Variants in CAPN14 observed in about 807,000 individuals in gnomAD.
CAPN14 encodes the protein calpain-14.
A neutral mutation model predicts 101.3 loss-of-function variants in CAPN14; 94 were observed. The observed-to-expected ratio is 0.93, with a 90% confidence interval of 0.79 to 1.10. CAPN14 has a LOEUF of 1.10. Among genes scored for constraint, CAPN14 ranks in the 50% least tolerant of loss-of-function variants. The probability of loss-of-function intolerance (pLI) is 0.00; values close to 1 mark genes in which losing one functional copy is unlikely to be tolerated. For missense variants in CAPN14, 837 were observed against 828.4 expected, an observed-to-expected ratio of 1.01 and a Z score of -0.13; for synonymous variants, 338 against 317.9, an observed-to-expected ratio of 1.06 and a Z score of -0.67.
intron 17 of CAPN14, among the ~76,000 whole-genome samples, chr2:31,179,473 A>G (rs191025907): frequency 6.6e-6 from 1 of 152,178 alleles, no homozygotes; most frequent in Non-Finnish European, 1.5e-5. Context: ...TCTATCATTG[A>G]GGGACATTTG....
intron 1 of CAPN14, among the ~76,000 whole-genome samples, chr2:31,231,572 CAGAT>C (rs1223919573): frequency 5.9e-5 from 9 of 152,228 alleles, no homozygotes; most frequent in African/African-American, 2.2e-4. Flanking sequence ...CTTTTTTAAA[CAGAT>C]AGATTTCAAC....
intron 1 of CAPN14, among the ~76,000 whole-genome samples, chr2:31,213,974 A>C (rs1682523120): frequency 1.3e-5 from 2 of 152,238 alleles, no homozygotes; most frequent in African/African-American, 4.8e-5. Context: ...ATTTAGATCA[A>C]GTTTCTAACA....
At position 31,200,525 on chromosome 2, in the gene CAPN14, G is replaced by T; in HGVS notation, c.652C>A (p.His218Asn). The change falls in exon 6 of 22, where the codon CAT becomes AAT. Residue 218 changes from histidine to asparagine, a missense_variant. Physicochemically the swap from His to Asn is moderately conservative, Grantham distance 68 (BLOSUM62 1). Transcript: ENST00000403897. ...VTMTINLAEA[H>N]GNLWDILIEA... ...ATGAGGATGTCCCAGAGGTTGCCATGGGCTTCTGCCAGGTTGATGGTCATT... is the reference window on the plus strand; with the variant it reads ...ATGAGGATGTCCCAGAGGTTGCCATTGGCTTCTGCCAGGTTGATGGTCATT... 1 of 1,551,618 alleles carries T rather than the reference G, an allele frequency of 6.4e-7. No individual in the cohort carries two copies. Among genetic ancestry groups the T allele is most frequent in the African/African-American group, 1.4e-5 (1 of 73,166 alleles).
Position 31,178,531 on chromosome 2 carries a change from T to G in CAPN14, c.1759A>C (p.Lys587Gln). Residue 587 changes from lysine (K) to glutamine (Q), a missense_variant, in exon 18 of 22, where the codon AAG (lysine) becomes CAG (glutamine). Physicochemically the swap from Lys to Gln is moderately conservative, Grantham distance 53. Coordinates refer to ENST00000403897, the MANE Select transcript of CAPN14 (RefSeq NM_001145122.2). ...CTTACCTGAGAGAGCTTCAGCTGCTTCCACAGGTCCCTGAATTCCTGGATG... is the reference window on the plus strand; with the variant it reads ...CTTACCTGAGAGAGCTTCAGCTGCTGCCACAGGTCCCTGAATTCCTGGATG... Reference protein sequence around the residue: ...MSIQEFRDLWKQLKLSQKVFH... With the variant: ...MSIQEFRDLWQQLKLSQKVFH... 1 of 1,550,318 alleles carries G rather than the reference T, an allele frequency of 6.5e-7. No homozygotes were observed. Among genetic ancestry groups the G allele is most frequent in the Non-Finnish European group, 8.7e-7 (1 of 1,146,450 alleles).
intron 17 of CAPN14, among the ~76,000 whole-genome samples, chr2:31,179,332 C>T (rs7567449): frequency 6.6e-6 from 1 of 151,670 alleles, no homozygotes; most frequent in Non-Finnish European, 1.5e-5. Flanking sequence ...TTGGTTTTCT[C>T]TCCTTGCGAT....
At chr2:31,198,807 C>T (rs947688841) in intron 7 of CAPN14, among the ~76,000 whole-genome samples, 4 of 152,152 alleles carry the variant, frequency 2.6e-5, no homozygotes, top group African/African-American at 9.7e-5. Flanking sequence ...CTCCCTCCAC[C>T]AGAATGCCCT....
At chr2:31,188,386 G>T in intron 13 of CAPN14, 32 bp from the exon 14 acceptor site, 1 of 1,550,278 alleles carries the variant, frequency 6.5e-7, no homozygotes, top group Non-Finnish European at 8.7e-7. Context: ...CAAACTCAGA[G>T]TTTCCTCTTG....
chr2:31,205,788 C>T (rs911348619), intron 1 of CAPN14, among the ~76,000 whole-genome samples: 4 of 151,982 alleles, frequency 2.6e-5, no homozygotes, highest in Admixed American at 2.0e-4. Flanking sequence ...ACCAATGTCA[C>T]GGGGGTCCCT....
chr2:31,228,188 A>C (rs1182826667), intron 1 of CAPN14: 1 of 152,208 alleles, frequency 6.6e-6, no homozygotes, highest in Non-Finnish European at 1.5e-5. Flanking sequence ...ACTTGGTCCC[A>C]CTTCCCAATT....
At chr2:31,219,645 C>T (rs1252480947), upstream of CAPN14, among the ~76,000 whole-genome samples, 1 of 152,110 alleles carries the variant, frequency 6.6e-6, no homozygotes, top group African/African-American at 2.4e-5. Flanking sequence ...GTCCTGGAGG[C>T]AAAGAAGAGG....
chr2:31,216,166 T>C (rs1157087586), intron 1 of CAPN14, among the ~76,000 whole-genome samples: 2 of 152,016 alleles, frequency 1.3e-5, no homozygotes, highest in East Asian at 1.9e-4. Flanking sequence ...GTAGAAAAAA[T>C]CCAGACACAA....
chr2:31,178,264 C>T (rs1272324995), intron 18 of CAPN14, among the ~76,000 whole-genome samples: 1 of 152,080 alleles, frequency 6.6e-6, no homozygotes, highest in African/African-American at 2.4e-5. Context: ...CATGGGGAGT[C>T]TTAAAAAGCT....
intron 1 of CAPN14, among the ~76,000 whole-genome samples, chr2:31,231,631 T>TA (rs760134673): frequency 5.3e-5 from 8 of 152,236 alleles, no homozygotes; most frequent in Non-Finnish European, 1.2e-4. Flanking sequence ...ACGCACTTGG[T>TA]AAATTAGATA....
chr2:31,181,782 T>C (rs1342976720), intron 16 of CAPN14, among the ~76,000 whole-genome samples: 3 of 147,932 alleles, frequency 2.0e-5, no homozygotes, highest in Non-Finnish European at 3.0e-5. Flanking sequence ...GTTTGGTTTT[T>C]TGTCCTTGCG....
intron 13 of CAPN14, among the ~76,000 whole-genome samples, chr2:31,188,794 C>T (rs1681038407): frequency 6.6e-6 from 1 of 152,190 alleles, no homozygotes; most frequent in Non-Finnish European, 1.5e-5. Flanking sequence ...TGGAAGCCTG[C>T]TAGTTCATGA....
At chr2:31,186,401 C>T in intron 16 of CAPN14, 27 bp downstream of exon 16, 1 of 1,525,296 alleles carries the variant, frequency 6.6e-7, no homozygotes, top group East Asian at 2.5e-5. Flanking sequence ...CCCTCTGAGT[C>T]CTACAGAATG....
In CAPN14 at chr2:31,200,702, C is replaced by T. The variant is rs973146638; in HGVS notation, c.552-77G>A. On this transcript the variant is annotated intron_variant, in intron 5 of 21. Transcript: ENST00000403897. ...TAATTTTATGTGGCCTCGGCATCCACTTTTAAATAGGAGTCTAGTTTTCTC... is the reference window on the plus strand; with the variant it reads ...TAATTTTATGTGGCCTCGGCATCCATTTTTAAATAGGAGTCTAGTTTTCTC... 3.0e-5 allele frequency: 40 copies of T among 1,352,210 alleles called. 1 individual carries two copies. In the African/African-American group the frequency reaches 4.6e-4, roughly 15 times the overall value. The allele number at this position is 1,352,210 out of a possible 1,614,324, so 83.8% of individuals were successfully genotyped here.
chr2:31,191,880 T>C (rs1681200279), intron 11 of CAPN14, 55 bp downstream of exon 11: 2 of 1,437,430 alleles, frequency 1.4e-6, no homozygotes, highest in Non-Finnish European at 1.9e-6. Context: ...ACATGGTAAC[T>C]GTTGGTGACC....
intron 2 of CAPN14, among the ~76,000 whole-genome samples, chr2:31,204,502 C>T (rs182131347): frequency 1.6e-4 from 25 of 152,256 alleles, no homozygotes; most frequent in African/African-American, 6.0e-4. Context: ...GTTTCAGCCC[C>T]ACCCCCTGAT....
Sources: gnomAD v4.1 joint callset for allele counts (sites outside exome capture counted in the v4.1 genomes callset) on GRCh38, gnomAD v4.1.1 for gene constraint, MANE v1.5 for transcripts, NCBI Gene and HGNC (gene_info 2026-07-23, HGNC 2026-07-21) for gene names.